Variants in COL5A2 observed in about 807,000 individuals in gnomAD.
COL5A2 encodes the protein collagen type V alpha 2 chain.
Under a neutral mutation model 208.2 loss-of-function variants are expected in COL5A2, and 23 were observed. That is an observed-to-expected ratio of 0.11 (90% CI 0.08 to 0.16). The LOEUF is 0.16. Ranked by LOEUF, COL5A2 falls within the 10% of genes least tolerant of loss-of-function variation. The probability of loss-of-function intolerance (pLI) is 1.00; values close to 1 mark genes in which losing one functional copy is unlikely to be tolerated. For synonymous variants in COL5A2, 625 were observed against 628.5 expected (o/e 0.99, Z 0.08); for missense variants, 1,590 against 1,956.4 (o/e 0.81, Z 3.53).
At chr2:189,064,864 T>C in intron 24 of COL5A2, 140 bp downstream of exon 24, 2 of 906,468 alleles carry the variant, frequency 2.2e-6, no homozygotes, top group Non-Finnish European at 3.6e-6. Context: ...CAAGAGAGGA[T>C]TGGGGTTAGG....
chr2:189,207,065 T>C (rs1185208853), intron 1 of COL5A2, among the ~76,000 whole-genome samples: 3 of 152,214 alleles, frequency 2.0e-5, no homozygotes, highest in African/African-American at 7.2e-5. Flanking sequence ...AAAATAACCA[T>C]GTTTGCACTT....
the COL5A2 span, among the ~76,000 whole-genome samples, chr2:189,343,085 A>C: frequency 2.0e-5 from 3 of 152,204 alleles, no homozygotes; most frequent in African/African-American, 7.2e-5. Context: ...ACAGACATAC[A>C]CAGAAACAGG....
At chr2:189,130,567 C>T (rs1324836553) in intron 1 of COL5A2, among the ~76,000 whole-genome samples, 2 of 151,948 alleles carry the variant, frequency 1.3e-5, no homozygotes, top group Admixed American at 1.3e-4. Flanking sequence ...CATAGTGGGT[C>T]TTCACTGTAG....
chr2:189,357,614 G>A, the COL5A2 span, among the ~76,000 whole-genome samples: 1 of 152,102 alleles, frequency 6.6e-6, no homozygotes, highest in Non-Finnish European at 1.5e-5. Context: ...TGTGCTGGCA[G>A]CAAGAATTTC....
rs13383366 is a variant in COL5A2, at chr2:189,049,104, T to G, written c.3147+243A>C. 3.8e-3 allele frequency among the ~76,000 whole-genome samples: 586 copies of G among 152,222 alleles called. 1 individual carries two copies. Among genetic ancestry groups the G allele is most frequent in the African/African-American group, 0.013 (537 of 41,542 alleles). ...CAAAACAGTTTGGCAACAGCTTAAA[T>G]GAACTAAAATACTTAGCTCCAGACT... On this transcript the variant is annotated intron_variant, in intron 44 of 53. Transcript: ENST00000374866.
the COL5A2 span, among the ~76,000 whole-genome samples, chr2:189,376,803 G>C: frequency 6.6e-6 from 1 of 152,060 alleles, no homozygotes; most frequent in Non-Finnish European, 1.5e-5. Flanking sequence ...GAATTATTTA[G>C]AAGTAATAAG....
chr2:189,069,804 G>C (rs1418401344), intron 18 of COL5A2, among the ~76,000 whole-genome samples: 1 of 152,138 alleles, frequency 6.6e-6, no homozygotes, highest in Non-Finnish European at 1.5e-5. Flanking sequence ...GATTTGAGTT[G>C]TAAAAACTCA....
At chr2:189,191,286 G>A (rs1183426081) in intron 1 of COL5A2, among the ~76,000 whole-genome samples, 32 of 152,122 alleles carry the variant, frequency 2.1e-4, no homozygotes, top group Non-Finnish European at 4.3e-4. Flanking sequence ...AATTCTAAGA[G>A]GAAAGCATGT....
At chr2:189,064,070 T>C in intron 25 of COL5A2, 37 bp from the exon 26 acceptor site, 2 of 1,564,586 alleles carry the variant, frequency 1.3e-6, no homozygotes, top group Non-Finnish European at 1.8e-6. Flanking sequence ...TTGTTGCTGA[T>C]ATGCAGTTGA....
the COL5A2 span, among the ~76,000 whole-genome samples, chr2:189,293,161 G>A: frequency 1.3e-5 from 2 of 151,886 alleles, no homozygotes; most frequent in African/African-American, 2.4e-5. Context: ...ACTAAATGAC[G>A]AGTTAATGGG....
At chr2:189,319,239 C>T in the COL5A2 span, among the ~76,000 whole-genome samples, 10 of 151,908 alleles carry the variant, frequency 6.6e-5, no homozygotes, top group Non-Finnish European at 1.2e-4. Context: ...CCAGCGTGAG[C>T]GGCGCAGAAG....
At chr2:189,384,475 G>A in the COL5A2 span, among the ~76,000 whole-genome samples, 1 of 152,082 alleles carries the variant, frequency 6.6e-6, no homozygotes. Context: ...ATATCTGAAT[G>A]TAGTTTTGAT....
the COL5A2 span, among the ~76,000 whole-genome samples, chr2:189,338,652 G>A: frequency 1.3e-5 from 2 of 148,200 alleles, no homozygotes; most frequent in Non-Finnish European, 3.0e-5. Context: ...ATGAGAGAAG[G>A]TATAATATTA....
chr2:189,196,514 C>T (rs1422708957), intron 1 of COL5A2, among the ~76,000 whole-genome samples: 2 of 145,916 alleles, frequency 1.4e-5, no homozygotes, highest in Non-Finnish European at 3.0e-5. Flanking sequence ...ATTTGTATTG[C>T]AATCCCATCT....
intron 6 of COL5A2, among the ~76,000 whole-genome samples, chr2:189,093,976 C>A (rs1016388945): frequency 6.6e-6 from 1 of 152,198 alleles, no homozygotes; most frequent in Non-Finnish European, 1.5e-5. Context: ...TGAACTAATG[C>A]ATAATCTCTG....
At chr2:189,128,091 T>C (rs1169243922) in intron 1 of COL5A2, among the ~76,000 whole-genome samples, 1 of 152,054 alleles carries the variant, frequency 6.6e-6, no homozygotes, top group Non-Finnish European at 1.5e-5. Flanking sequence ...AGCCTATTAA[T>C]GCCACAGTAC....
intron 16 of COL5A2, among the ~76,000 whole-genome samples, chr2:189,077,829 T>C (rs765741909): frequency 4.6e-5 from 7 of 152,076 alleles, no homozygotes; most frequent in South Asian, 2.1e-4. Context: ...ATGGGGATGA[T>C]CGGATCTTGA....
At chr2:189,139,922 A>T (rs1261050915) in intron 1 of COL5A2, among the ~76,000 whole-genome samples, 1 of 152,020 alleles carries the variant, frequency 6.6e-6, no homozygotes, top group Non-Finnish European at 1.5e-5. Flanking sequence ...AAAATACAAA[A>T]ATTAGCTGGG....
intron 30 of COL5A2, 92 bp downstream of exon 30, chr2:189,061,470 A>T: frequency 1.0e-6 from 1 of 980,294 alleles, no homozygotes; most frequent in East Asian, 2.6e-5. Context: ...AAAATTGTAG[A>T]ATTTCAAATC....
Sources: gnomAD v4.1 joint callset for allele counts (sites outside exome capture counted in the v4.1 genomes callset) on GRCh38, gnomAD v4.1.1 for gene constraint, MANE v1.5 for transcripts, NCBI Gene and HGNC (gene_info 2026-07-23, HGNC 2026-07-21) for gene names.